ACACA: variants seen among roughly 807,000 people sequenced by gnomAD.
ACACA encodes acetyl-CoA carboxylase 1.
ACACA carries 103 observed loss-of-function variants against 296.1 expected under a neutral mutation model. That is an observed-to-expected ratio of 0.35 (90% CI 0.30 to 0.41). The LOEUF is 0.41. Ranked by LOEUF, ACACA falls within the 10% of genes least tolerant of loss-of-function variation. ACACA has a pLI of 1.00. For missense variants in ACACA, 1,554 were observed against 2,989.7 expected, an observed-to-expected ratio of 0.52 and a Z score of 11.20; for synonymous variants, 953 against 1,038.6, an observed-to-expected ratio of 0.92 and a Z score of 1.58.
At chr17:37,151,864 G>A (rs1207505853) in intron 43 of ACACA, among the ~76,000 whole-genome samples, 5 of 152,130 alleles carry the variant, frequency 3.3e-5, no homozygotes, top group African/African-American at 1.2e-4. Context: ...GTTTCACCGT[G>A]TTAGCCAGGA....
At chr17:37,128,497 C>G (rs1331122503) in intron 47 of ACACA, among the ~76,000 whole-genome samples, 2 of 152,126 alleles carry the variant, frequency 1.3e-5, no homozygotes, top group Non-Finnish European at 2.9e-5. Flanking sequence ...TTATATATAG[C>G]CTTTCTTTGA....
intron 29 of ACACA, among the ~76,000 whole-genome samples, chr17:37,214,489 G>T (rs138916495): frequency 6.6e-6 from 1 of 152,126 alleles, no homozygotes; most frequent in Non-Finnish European, 1.5e-5. Flanking sequence ...AATTAGCTAC[G>T]AACCCACAGC....
At chr17:37,214,792 G>T (rs2145532068) in intron 29 of ACACA, among the ~76,000 whole-genome samples, 1 of 152,332 alleles carries the variant, frequency 6.6e-6, no homozygotes, top group African/African-American at 2.4e-5. Context: ...AAGGAAGCAA[G>T]CACTGTAAGA....
chr17:37,365,777 A>T, intron 1 of ACACA: 2 of 977,256 alleles, frequency 2.0e-6, no homozygotes, highest in Non-Finnish European at 2.4e-6. Flanking sequence ...GAATTGCACA[A>T]TGAAGGACAG....
At chr17:37,358,888 C>A in intron 1 of ACACA, 1 of 948,624 alleles carries the variant, frequency 1.1e-6, no homozygotes, top group Non-Finnish European at 1.3e-6. Flanking sequence ...GCCCAGGCCG[C>A]GTGCGGGTGA....
intron 45 of ACACA, among the ~76,000 whole-genome samples, chr17:37,137,755 A>T (rs2075391955): frequency 1.3e-5 from 2 of 152,196 alleles, no homozygotes; most frequent in South Asian, 4.1e-4. Flanking sequence ...AAAATTCTTT[A>T]CATGGGCTAA....
At chr17:37,378,435 A>G (rs564877890) in intron 1 of ACACA, among the ~76,000 whole-genome samples, 9 of 152,362 alleles carry the variant, frequency 5.9e-5, no homozygotes, top group African/African-American at 2.2e-4. Context: ...AGCTTTGGCC[A>G]GGCATGGTGG....
At chr17:37,260,290 ATATATATTTTTT>A (rs1384778019) in intron 11 of ACACA, among the ~76,000 whole-genome samples, 1 of 17,556 alleles carries the variant, frequency 5.7e-5, no homozygotes, top group African/African-American at 2.2e-4. Flanking sequence ...ATATATATAT[ATATATATTTTTT>A]TTTTTTTTTT....
intron 16 of ACACA, among the ~76,000 whole-genome samples, chr17:37,250,220 T>G (rs1033907142): frequency 5.9e-5 from 9 of 152,218 alleles, no homozygotes; most frequent in Admixed American, 5.9e-4. Context: ...ATTGGTAATA[T>G]GAATTTACTA....
At chr17:37,140,891 C>T (rs1567712369) in intron 45 of ACACA, 3 of 252,874 alleles carry the variant, frequency 1.2e-5, no homozygotes, top group South Asian at 4.8e-5. Context: ...GCCAGTGCCC[C>T]GGGTGCAGGG....
chr17:37,261,946 T>C (rs2081531492), intron 11 of ACACA, among the ~76,000 whole-genome samples: 1 of 152,030 alleles, frequency 6.6e-6, no homozygotes, highest in Non-Finnish European at 1.5e-5. Flanking sequence ...CACTGGCCCA[T>C]GAAAAGCCAC....
chr17:37,192,144 T>C lies in ACACA; in HGVS notation c.4362A>G (p.Thr1454=). Residue 1454 remains threonine, a synonymous_variant, in exon 37 of 56, where the codon ACA becomes ACG. Transcript: ENST00000616317. ...TTGCACGAACAAAGAACCTGTAGTC[T>C]GTCACTTCTGTGCCCACTTCCACCT... ...AAKVEVGTEV[T]DYRFFVRAII... 2.5e-6 allele frequency: 4 copies of C among 1,614,166 alleles called. No homozygotes were observed. Among genetic ancestry groups the C allele is most frequent in the Non-Finnish European group, 3.4e-6 (4 of 1,180,028 alleles).
intron 2 of ACACA, 21 bp downstream of exon 2, chr17:37,339,783 G>C: frequency 7.5e-7 from 1 of 1,340,538 alleles, no homozygotes; most frequent in African/African-American, 1.4e-5. Flanking sequence ...TTGTAAACAA[G>C]GAGTATTATT....
intron 1 of ACACA, among the ~76,000 whole-genome samples, chr17:37,389,047 C>T (rs1466536533): frequency 6.6e-6 from 1 of 152,168 alleles, no homozygotes; most frequent in African/African-American, 2.4e-5. Flanking sequence ...GTGAAAGGCA[C>T]CTGGCACACA....
intron 45 of ACACA, among the ~76,000 whole-genome samples, chr17:37,136,202 A>C (rs2075325250): frequency 6.6e-6 from 1 of 152,004 alleles, no homozygotes; most frequent in Non-Finnish European, 1.5e-5. Context: ...CATCATCCCA[A>C]AGTCTCCTCA....
At chr17:37,321,488 G>A (rs1323751820) in intron 3 of ACACA, among the ~76,000 whole-genome samples, 5 of 152,130 alleles carry the variant, frequency 3.3e-5, no homozygotes, top group Non-Finnish European at 2.9e-5. Flanking sequence ...GGTGGCTCAC[G>A]TCTGTAATCT....
chr17:37,217,537 C>T (rs1015155149), intron 29 of ACACA, among the ~76,000 whole-genome samples: 2 of 151,634 alleles, frequency 1.3e-5, no homozygotes, highest in African/African-American at 2.4e-5. Context: ...AGATCGAGAC[C>T]ATCCTGGCTA....
intron 17 of ACACA, 81 bp from the exon 18 acceptor site, chr17:37,248,237 A>G (rs1400350999): frequency 6.5e-7 from 1 of 1,536,630 alleles, no homozygotes; most frequent in East Asian, 2.3e-5. Context: ...AAAAATACAG[A>G]TAAGAAAGAT....
intron 41 of ACACA, among the ~76,000 whole-genome samples, chr17:37,171,492 A>G (rs1287932558): frequency 6.6e-6 from 1 of 152,192 alleles, no homozygotes; most frequent in African/African-American, 2.4e-5. Flanking sequence ...CAGAACACTA[A>G]ATAATAGAAC....
Sources: gnomAD v4.1 joint callset for allele counts (sites outside exome capture counted in the v4.1 genomes callset) on GRCh38, gnomAD v4.1.1 for gene constraint, MANE v1.5 for transcripts, NCBI Gene and HGNC (gene_info 2026-07-23, HGNC 2026-07-21) for gene names.